BCL11B: variants seen among roughly 807,000 people sequenced by gnomAD.
BCL11B encodes the protein BCL11 transcription factor B, also known as B-cell lymphoma/leukemia 11B.
In BCL11B, 8 loss-of-function variants were observed where a neutral mutation model predicts 49.9. That is an observed-to-expected ratio of 0.16 (90% confidence interval 0.09 to 0.29). The LOEUF is 0.29. Ranked by LOEUF, BCL11B falls within the 10% of genes least tolerant of loss-of-function variation. The probability of loss-of-function intolerance (pLI) is 1.00; values close to 1 mark genes in which losing one functional copy is unlikely to be tolerated. For missense variants in BCL11B, 1,006 were observed against 1,351.0 expected (o/e 0.74, Z 4.00); for synonymous variants, 739 against 637.4 (o/e 1.16, Z -2.40).
At chr14:99,223,847 C>T (rs903115677) in intron 3 of BCL11B, among the ~76,000 whole-genome samples, 1 of 152,218 alleles carries the variant, frequency 6.6e-6, no homozygotes, top group African/African-American at 2.4e-5. Context: ...GGACACCTCT[C>T]CATCCTGAGA....
rs544308330 is a variant in BCL11B at position 99,199,711 on chromosome 14, T to C, written c.641-23516A>G. Among the ~76,000 whole-genome samples the C allele has an allele frequency of 5.0e-3, 648 of 129,630 alleles. 5 individuals are homozygous for C. The highest frequency in any genetic ancestry group is 0.015 in the African/African-American group (549 of 36,942). 85.0% of individuals were successfully genotyped at this position (129,630 alleles called of 152,430 possible). On this transcript the variant is annotated intron_variant, in intron 3 of 3. Transcript: ENST00000357195. ...GCGCGCGCGCGCACGTGCACGTGTGTGCGTGTGTGCATGCATATGTGTGTG... is the reference window on the plus strand; with the variant it reads ...GCGCGCGCGCGCACGTGCACGTGTGCGCGTGTGTGCATGCATATGTGTGTG...
chr14:99,235,528 A>G (rs1888470044), intron 2 of BCL11B, among the ~76,000 whole-genome samples: 1 of 152,232 alleles, frequency 6.6e-6, no homozygotes, highest in South Asian at 2.1e-4. Flanking sequence ...AAATTTTATT[A>G]ATGCAGAAGT....
intron 3 of BCL11B, among the ~76,000 whole-genome samples, chr14:99,211,541 T>G (rs1887688442): frequency 6.6e-6 from 1 of 152,240 alleles, no homozygotes; most frequent in Admixed American, 6.5e-5. Flanking sequence ...TGCACTCGTG[T>G]GCACACAGAC....
rs1375472312 is a variant in BCL11B, at chr14:99,205,093, A to G, written c.640+26252T>C. Reference sequence around the variant, plus strand: ...TGCCCCTCCAGTTACATTACTTTGAAAGGGAGCATAATATGATCCTTCCTT... The same window carrying G: ...TGCCCCTCCAGTTACATTACTTTGAGAGGGAGCATAATATGATCCTTCCTT... On this transcript the variant is annotated intron_variant, in intron 3 of 3. Transcript: ENST00000357195. The surrounding 1 kb of genome is among the most constrained non-coding windows in gnomAD (Gnocchi z 5.0). Among the ~76,000 whole-genome samples, 2 of 152,120 alleles carry G rather than the reference A, an allele frequency of 1.3e-5. No homozygotes were observed. The highest frequency in any genetic ancestry group is 2.9e-5 in the Non-Finnish European group (2 of 68,026).
rs1257521333 is a variant in BCL11B, at chr14:99,195,314, A to G, written c.641-19119T>C. Reference sequence around the variant, plus strand: ...AGGGCTCCTCTGGAAGAAAAGGAAGAGAAGCTTCCCAGGGCTCTCCAGTAT... The same window carrying G: ...AGGGCTCCTCTGGAAGAAAAGGAAGGGAAGCTTCCCAGGGCTCTCCAGTAT... On this transcript the variant is annotated intron_variant, in intron 3 of 3. Coordinates refer to ENST00000357195, the MANE Select transcript of BCL11B (RefSeq NM_138576.4). This position sits in a 1 kb window ranked among gnomAD's most constrained non-coding sequence, Gnocchi z 4.7. 1.3e-5 allele frequency among the ~76,000 whole-genome samples: 2 copies of G among 152,130 alleles called. No individual in the cohort carries two copies. The highest frequency in any genetic ancestry group is 4.8e-5 in the African/African-American group (2 of 41,422).
intron 3 of BCL11B, among the ~76,000 whole-genome samples, chr14:99,182,762 GT>G (rs1566798541): frequency 6.6e-6 from 1 of 152,166 alleles, no homozygotes; most frequent in Non-Finnish European, 1.5e-5. Flanking sequence ...GACATTGCCA[GT>G]TCATCCCCGC....
chr14:99,208,781 C>G (rs1887606628), intron 3 of BCL11B, among the ~76,000 whole-genome samples: 1 of 152,212 alleles, frequency 6.6e-6, no homozygotes, highest in Admixed American at 6.5e-5. Flanking sequence ...AAGAACCGCT[C>G]TAGTTCCATT....
intron 3 of BCL11B, among the ~76,000 whole-genome samples, chr14:99,212,786 C>T (rs1395412751): frequency 6.6e-6 from 1 of 152,190 alleles, no homozygotes; most frequent in Admixed American, 6.5e-5. Flanking sequence ...ATGTGAGAGG[C>T]AGAAAGACTG....
chr14:99,225,594 G>T (rs1418488022), intron 3 of BCL11B, among the ~76,000 whole-genome samples: 1 of 152,008 alleles, frequency 6.6e-6, no homozygotes, highest in African/African-American at 2.4e-5. Flanking sequence ...ATAATGTAAT[G>T]AGCACCAGCT....
At position 99,234,092 on chromosome 14, in the gene BCL11B, G is replaced by A. The variant is rs143401200; in HGVS notation, c.428-2535C>T. On this transcript the variant is annotated intron_variant, in intron 2 of 3. Coordinates refer to ENST00000357195, the MANE Select transcript of BCL11B (RefSeq NM_138576.4). The stretch of plus-strand genomic sequence containing the variant: ...ACCTACGGCATGACTCCATGGATAC[G>A]AAATGTTCATAAGAGGCAAATCCAC... Among the ~76,000 whole-genome samples, 24 of 152,246 alleles carry A rather than the reference G, an allele frequency of 1.6e-4. No individual in the cohort carries two copies. In the East Asian group the frequency reaches 2.9e-3, roughly 18 times the overall value.
chr14:99,260,942 G>C (rs1889318721), intron 1 of BCL11B, among the ~76,000 whole-genome samples: 1 of 152,044 alleles, frequency 6.6e-6, no homozygotes, highest in African/African-American at 2.4e-5. Context: ...CCAACTCACT[G>C]CCTCTAAGGG....
At chr14:99,251,096 G>A (rs182071192) in intron 2 of BCL11B, among the ~76,000 whole-genome samples, 2 of 152,284 alleles carry the variant, frequency 1.3e-5, no homozygotes, top group Admixed American at 1.3e-4. Context: ...CACCAGGGGA[G>A]ATGGCCTCAA....
chr14:99,185,678 T>C (rs1886832869), intron 3 of BCL11B, among the ~76,000 whole-genome samples: 2 of 151,804 alleles, frequency 1.3e-5, no homozygotes, highest in South Asian at 2.1e-4. Flanking sequence ...CCAAGAGCAT[T>C]CCACAAAAGG....
At chr14:99,191,087 C>A (rs944684688) in intron 3 of BCL11B, among the ~76,000 whole-genome samples, 1 of 152,166 alleles carries the variant, frequency 6.6e-6, no homozygotes, top group Non-Finnish European at 1.5e-5. Context: ...CAGGCCTTTT[C>A]CAGGTTGTTG....
At position 99,189,431 on chromosome 14, in the gene BCL11B, C is replaced by T. The variant is rs377007856; in HGVS notation, c.641-13236G>A. On this transcript the variant is annotated intron_variant, in intron 3 of 3. Transcript: ENST00000357195. ...TGCACGCACACTACATGCACACACA[C>T]ATGCAAGTTCACAATAAAATGCAGG... Among the ~76,000 whole-genome samples, 10 of 152,372 alleles carry T rather than the reference C, an allele frequency of 6.6e-5. No individual in the cohort carries two copies. The East Asian group carries it at 1.9e-3, about 29-fold the overall frequency.
intron 1 of BCL11B, among the ~76,000 whole-genome samples, chr14:99,266,110 A>T (rs1889475590): frequency 6.6e-6 from 1 of 152,216 alleles, no homozygotes; most frequent in African/African-American, 2.4e-5. Context: ...ACTCTTTCCA[A>T]ACAAAGTTTT....
At chr14:99,186,763 T>G (rs1456335180) in intron 3 of BCL11B, among the ~76,000 whole-genome samples, 2 of 152,160 alleles carry the variant, frequency 1.3e-5, no homozygotes, top group Non-Finnish European at 2.9e-5. Flanking sequence ...AAGCCCACAC[T>G]CAAGGCCTAC....
chr14:99,177,946 C>T (rs1168807023), intron 3 of BCL11B, among the ~76,000 whole-genome samples: 2 of 152,114 alleles, frequency 1.3e-5, no homozygotes, highest in Non-Finnish European at 2.9e-5. Context: ...ACTCGGGGAC[C>T]AAATACCCTG....
chr14:99,249,070 G>A (rs2614490), intron 2 of BCL11B, among the ~76,000 whole-genome samples: 25,488 of 152,082 alleles, frequency 0.17, 2,700 homozygotes, highest in Non-Finnish European at 0.23. Flanking sequence ...ACAGGTGGGT[G>A]CCTACTGTCT....
Sources: gnomAD v4.1 joint callset for allele counts (sites outside exome capture counted in the v4.1 genomes callset) on GRCh38, gnomAD v4.1.1 for gene constraint, Gnocchi (gnomAD v3.1) non-coding constraint, MANE v1.5 for transcripts, NCBI Gene and HGNC (gene_info 2026-07-23, HGNC 2026-07-21) for gene names.